The following CHN2 variants were observed in gnomAD, a reference collection of about 807,000 sequenced individuals.
CHN2 encodes chimerin 2.
A neutral mutation model predicts 56.3 loss-of-function variants in CHN2; 35 were observed. The ratio of observed to expected loss-of-function variants is 0.62; its 90% CI spans 0.47 to 0.82. The LOEUF (loss-of-function observed/expected upper bound fraction) is 0.82, where lower values mean the gene tolerates loss of function less well. Among genes scored for constraint, CHN2 ranks in the 40% least tolerant of loss-of-function variants. The pLI, the probability that CHN2 is intolerant of heterozygous loss-of-function variation, is 0.00. For synonymous variants in CHN2, 210 were observed against 212.8 expected (o/e 0.99, Z 0.12); for missense variants, 491 against 580.5 (o/e 0.85, Z 1.58).
intron 6 of CHN2, among the ~76,000 whole-genome samples, chr7:29,473,123 T>C (rs969370400): frequency 7.9e-5 from 12 of 152,306 alleles, no homozygotes; most frequent in Admixed American, 2.0e-4. Context: ...GGGCATGGTA[T>C]GGATTTTTGC....
chr7:29,255,315 G>A (rs368551073), intron 1 of CHN2, among the ~76,000 whole-genome samples: 10 of 152,142 alleles, frequency 6.6e-5, no homozygotes, highest in African/African-American at 1.4e-4. Context: ...GCCCCATCCC[G>A]GCAGAGTCAG....
chr7:29,442,336 G>A (rs915465399), intron 6 of CHN2, among the ~76,000 whole-genome samples: 1 of 152,184 alleles, frequency 6.6e-6, no homozygotes, highest in East Asian at 1.9e-4. Context: ...CTATAGTGGT[G>A]TATGTGGGAG....
chr7:29,462,275 C>T (rs551132188), intron 6 of CHN2, among the ~76,000 whole-genome samples: 2 of 152,308 alleles, frequency 1.3e-5, no homozygotes, highest in African/African-American at 4.8e-5. Flanking sequence ...CTGCTATAGA[C>T]CATATCACCA....
At chr7:29,450,268 G>A (rs534518682) in intron 6 of CHN2, among the ~76,000 whole-genome samples, 1 of 152,262 alleles carries the variant, frequency 6.6e-6, no homozygotes, top group East Asian at 1.9e-4. Flanking sequence ...CAGAATAATG[G>A]CCTCCAAAGA....
At chr7:29,442,214 G>A (rs2128124526) in intron 6 of CHN2, among the ~76,000 whole-genome samples, 1 of 152,320 alleles carries the variant, frequency 6.6e-6, no homozygotes, top group Non-Finnish European at 1.5e-5. Context: ...AATCTGGAAA[G>A]AAAGGAAAGA....
chr7:29,170,486 T>C (rs1388382588), intron 2 of CHN2, among the ~76,000 whole-genome samples: 1 of 152,234 alleles, frequency 6.6e-6, no homozygotes, highest in African/African-American at 2.4e-5. Flanking sequence ...TCTCCAATTG[T>C]TCATCTGGGG....
intron 6 of CHN2, among the ~76,000 whole-genome samples, chr7:29,471,198 G>A (rs1469296665): frequency 6.6e-6 from 1 of 152,160 alleles, no homozygotes; most frequent in African/African-American, 2.4e-5. Flanking sequence ...TACTCTGATG[G>A]TAAAACATGT....
chr7:29,421,570 C>A (rs192979125), intron 6 of CHN2, among the ~76,000 whole-genome samples: 7 of 152,342 alleles, frequency 4.6e-5, no homozygotes, highest in Admixed American at 3.3e-4. Context: ...CTTCCTCCTG[C>A]TTTATTTCTT....
chr7:29,279,168 A>G (rs3812356), intron 1 of CHN2, among the ~76,000 whole-genome samples: 10,433 of 152,304 alleles, frequency 0.069, 447 homozygotes, highest in East Asian at 0.17. Context: ...GTAAGTTGTG[A>G]TTATTTACAG....
At chr7:29,301,282 A>G (rs1793632148) in intron 1 of CHN2, among the ~76,000 whole-genome samples, 1 of 151,870 alleles carries the variant, frequency 6.6e-6, no homozygotes, top group African/African-American at 2.4e-5. Context: ...TCTTCTATAG[A>G]ATGCTTTTAA....
intron 4 of CHN2, chr7:29,397,193 C>T (rs1206021613): frequency 6.6e-6 from 1 of 152,230 alleles, no homozygotes; most frequent in African/African-American, 2.4e-5. Context: ...TTTCCTTGGA[C>T]AGAAGCTTCA....
At chr7:29,201,974 G>GA (rs1238470016) in intron 1 of CHN2, among the ~76,000 whole-genome samples, 5 of 152,168 alleles carry the variant, frequency 3.3e-5, no homozygotes, top group Non-Finnish European at 7.4e-5. Context: ...GAGGGTAATT[G>GA]AAAATGTTTA....
At chr7:29,500,908 T>C (rs1789896190) in intron 9 of CHN2, among the ~76,000 whole-genome samples, 1 of 152,174 alleles carries the variant, frequency 6.6e-6, no homozygotes, top group Admixed American at 6.5e-5. Flanking sequence ...CACTTTTCCT[T>C]TATTTGTGCT....
At chr7:29,432,057 G>A (rs1782894064) in intron 6 of CHN2, among the ~76,000 whole-genome samples, 1 of 152,172 alleles carries the variant, frequency 6.6e-6, no homozygotes, top group Non-Finnish European at 1.5e-5. Flanking sequence ...GGGACTCACA[G>A]CTGAGTGGAT....
intron 1 of CHN2, among the ~76,000 whole-genome samples, chr7:29,273,589 ACT>A (rs1180444567): frequency 2.0e-5 from 3 of 149,612 alleles, no homozygotes; most frequent in Non-Finnish European, 4.5e-5. Context: ...TTTCTGTAGG[ACT>A]CTCTGTACTG....
chr7:29,419,996 G>T lies in CHN2; in HGVS notation c.576+19168G>T, dbSNP rs974085999. On this transcript the variant is annotated intron_variant, in intron 6 of 12. Transcript: ENST00000222792. ...AATTGCTCAAACCCAGGAGGCAGAG[G>T]TTGCAGTGAGCCAAGATCATGCCAC... Among the ~76,000 whole-genome samples, 3 of 150,182 alleles carry T rather than the reference G, an allele frequency of 2.0e-5. No individual in the cohort carries two copies. In the Admixed American group the frequency reaches 2.0e-4, roughly 10 times the overall value.
chr7:29,228,938 CT>C (rs1432462493), intron 1 of CHN2, among the ~76,000 whole-genome samples: 2 of 152,246 alleles, frequency 1.3e-5, no homozygotes, highest in Admixed American at 6.5e-5. Flanking sequence ...TGCTCCCGCT[CT>C]GCTCCAGTCG....
At chr7:29,218,334 A>G (rs900195666) in intron 1 of CHN2, among the ~76,000 whole-genome samples, 62 of 152,190 alleles carry the variant, frequency 4.1e-4, no homozygotes, top group African/African-American at 1.3e-3. Context: ...AAAAGGTTAT[A>G]TCCTAGTAAG....
At chr7:29,289,330 G>A (rs1329828503) in intron 1 of CHN2, among the ~76,000 whole-genome samples, 8 of 152,130 alleles carry the variant, frequency 5.3e-5, no homozygotes, top group Non-Finnish European at 1.0e-4. Context: ...ATGGACATAC[G>A]CCTCTTGTTG....
Sources: allele counts gnomAD v4.1 joint callset (sites outside exome capture counted in the v4.1 genomes callset), GRCh38; gene constraint gnomAD v4.1.1; transcripts MANE v1.5; gene names NCBI Gene and HGNC (gene_info 2026-07-23, HGNC 2026-07-21).